The following TNPO3 variants were observed in gnomAD, a reference collection of about 807,000 sequenced individuals.
TNPO3 encodes transportin 3, also known as transportin-3.
In TNPO3, 65 loss-of-function variants were observed where a neutral mutation model predicts 122.8. The ratio of observed to expected loss-of-function variants is 0.53; its 90% confidence interval spans 0.43 to 0.65. TNPO3 has a LOEUF of 0.65. TNPO3 is among the 30% of genes least tolerant of loss of function. The pLI, the probability that TNPO3 is intolerant of heterozygous loss-of-function variation, is 0.00. For missense variants in TNPO3, 850 were observed against 1,136.7 expected (o/e 0.75, Z 3.63); for synonymous variants, 372 against 411.2 (o/e 0.90, Z 1.15).
chr7:129,054,108 C>A (rs1563116321), intron 1 of TNPO3, among the ~76,000 whole-genome samples: 1 of 152,174 alleles, frequency 6.6e-6, no homozygotes, highest in Non-Finnish European at 1.5e-5. Context: ...TATGTTGCCA[C>A]TCCAAAGCAA....
intron 4 of TNPO3, among the ~76,000 whole-genome samples, chr7:129,014,660 G>A (rs1018053810): frequency 6.6e-6 from 1 of 152,188 alleles, no homozygotes; most frequent in Non-Finnish European, 1.5e-5. Context: ...ACAGCCAACA[G>A]TTTGGAGCAT....
intron 5 of TNPO3, among the ~76,000 whole-genome samples, chr7:129,003,294 AG>A (rs746075876): frequency 0.049 from 4,659 of 95,840 alleles, 313 homozygotes; most frequent in African/African-American, 0.11. Flanking sequence ...TTTAATTTTT[AG>A]GGTTTTTTTT....
At chr7:128,969,674 A>T (rs1379436962) in intron 20 of TNPO3, among the ~76,000 whole-genome samples, 15 of 152,248 alleles carry the variant, frequency 9.9e-5, no homozygotes. Flanking sequence ...GGTTCAAAGA[A>T]ATCCAAAGGG....
intron 4 of TNPO3, 140 bp downstream of exon 4, chr7:129,014,839 G>A: frequency 1.4e-5 from 10 of 725,340 alleles, no homozygotes; most frequent in Non-Finnish European, 2.1e-5. Context: ...ATGTTGTCAT[G>A]GTAAGGTGTT....
intron 1 of TNPO3, chr7:129,030,419 C>T (rs1257161804): frequency 1.3e-5 from 2 of 159,572 alleles, no homozygotes; most frequent in Admixed American, 6.5e-5. Context: ...TCTAGAAGCA[C>T]GATCTCCCAC....
chr7:129,025,928 C>A lies in TNPO3; in HGVS notation c.121-7771G>T, dbSNP rs149816327. Reference sequence around the variant, plus strand: ...GTCACCTGAGGTCAGGAGTTCTAGACCAGCCTGGCCAACATGGTAAAACCC... The same window carrying A: ...GTCACCTGAGGTCAGGAGTTCTAGAACAGCCTGGCCAACATGGTAAAACCC... On this transcript the variant is annotated intron_variant, in intron 1 of 22. Coordinates refer to ENST00000265388, the MANE Select transcript of TNPO3 (RefSeq NM_012470.4). Among the ~76,000 whole-genome samples, 475 of 152,190 alleles carry A rather than the reference C, an allele frequency of 3.1e-3. 4 individuals are homozygous for A. Among genetic ancestry groups the A allele is most frequent in the Non-Finnish European group, 5.6e-3 (378 of 68,014 alleles).
At chr7:128,976,907 T>C (rs1799116270) in intron 16 of TNPO3, among the ~76,000 whole-genome samples, 1 of 152,222 alleles carries the variant, frequency 6.6e-6, no homozygotes, top group Non-Finnish European at 1.5e-5. Flanking sequence ...TAAGGAATGA[T>C]TAAGTCAAGG....
intron 10 of TNPO3, among the ~76,000 whole-genome samples, chr7:128,990,754 C>T (rs145177857): frequency 1.4e-4 from 22 of 152,328 alleles, no homozygotes; most frequent in South Asian, 2.1e-4. Flanking sequence ...TGTTCCCTCT[C>T]CTCCCTCTGT....
chr7:128,965,729 A>G (rs1797868576), intron 21 of TNPO3, among the ~76,000 whole-genome samples: 1 of 152,242 alleles, frequency 6.6e-6, no homozygotes, highest in African/African-American at 2.4e-5. Context: ...GTATATGCAT[A>G]CAATGGACTA....
intron 4 of TNPO3, among the ~76,000 whole-genome samples, chr7:129,013,480 T>C (rs1455736190): frequency 6.7e-6 from 1 of 149,146 alleles, no homozygotes; most frequent in Non-Finnish European, 1.5e-5. Flanking sequence ...AAAAGATCAA[T>C]AGCAAATGCT....
At chr7:128,980,735 C>A (rs1184954878) in intron 14 of TNPO3, among the ~76,000 whole-genome samples, 2 of 152,012 alleles carry the variant, frequency 1.3e-5, no homozygotes, top group Non-Finnish European at 2.9e-5. Context: ...ACAACAACAA[C>A]AAAACCAAAC....
chr7:128,957,891 G>C (rs1472886100), intron 21 of TNPO3, among the ~76,000 whole-genome samples: 3 of 152,090 alleles, frequency 2.0e-5, no homozygotes, highest in East Asian at 1.9e-4. Flanking sequence ...GAGGAGGAGG[G>C]AGAGAGGAAA....
intron 7 of TNPO3, among the ~76,000 whole-genome samples, chr7:128,999,152 CT>C (rs1801659137): frequency 6.6e-6 from 1 of 152,140 alleles, no homozygotes; most frequent in African/African-American, 2.4e-5. Context: ...GGCCAGAAGT[CT>C]TTTTTAAAGT....
At chr7:128,974,834 G>T in intron 18 of TNPO3, 34 bp downstream of exon 18, 1 of 1,535,224 alleles carries the variant, frequency 6.5e-7, no homozygotes, top group Non-Finnish European at 9.0e-7. Context: ...GATAGGATGA[G>T]CAATTAAGAA....
intron 4 of TNPO3, among the ~76,000 whole-genome samples, chr7:129,013,235 G>T (rs767550294): frequency 6.6e-6 from 1 of 152,054 alleles, no homozygotes; most frequent in Non-Finnish European, 1.5e-5. Flanking sequence ...TCTGGGCAAA[G>T]ATCTCTTAAG....
At chr7:128,972,367 T>C in intron 19 of TNPO3, 59 bp downstream of exon 19, 1 of 1,545,714 alleles carries the variant, frequency 6.5e-7, no homozygotes. Context: ...TCCTAAGGAA[T>C]GACAAAGAGA....
chr7:129,054,527 G>A, intron 1 of TNPO3, 124 bp downstream of exon 1: 1 of 1,448,520 alleles, frequency 6.9e-7, no homozygotes, highest in Non-Finnish European at 9.2e-7. Context: ...CCCACCCCAC[G>A]ACAGCAGCTC....
At position 128,986,753 on chromosome 7, in the gene TNPO3, C is replaced by T; in HGVS notation, c.1666G>A (p.Glu556Lys). ...CCTTTTAGCAAGCCCACAGCAGCTT[C>T]TGGAGACAACAGGAAGGAATCGAGG... The part of the protein sequence containing the change: ...RSLDSFLLSP[E>K]AAVGLLKGTA... Residue 556 changes from glutamate to lysine, a missense_variant, in exon 12 of 23, where the codon GAA becomes AAA. Glu to Lys is a moderately conservative substitution (Grantham distance 56, BLOSUM62 1). Coordinates refer to ENST00000265388, the MANE Select transcript of TNPO3 (RefSeq NM_012470.4). The T allele has an allele frequency of 6.2e-7, 1 of 1,613,448 alleles. No homozygotes were observed. The highest frequency in any genetic ancestry group is 8.5e-7 in the Non-Finnish European group (1 of 1,179,708).
intron 8 of TNPO3, 119 bp from the exon 9 acceptor site, chr7:128,994,033 C>T: frequency 1.2e-6 from 1 of 851,064 alleles, no homozygotes; most frequent in Admixed American, 2.9e-5. Context: ...ACAAAAGTTG[C>T]CTAAATCACG....
Sources: gnomAD v4.1 joint callset for allele counts (sites outside exome capture counted in the v4.1 genomes callset) on GRCh38, gnomAD v4.1.1 for gene constraint, MANE v1.5 for transcripts, NCBI Gene and HGNC (gene_info 2026-07-23, HGNC 2026-07-21) for gene names.